Variants in RGS7 observed in about 807,000 individuals in gnomAD.
RGS7 encodes the protein regulator of G protein signaling 7.
Under a neutral mutation model 81.1 loss-of-function variants are expected in RGS7, and 27 were observed. The observed-to-expected ratio is 0.33, with a 90% confidence interval of 0.25 to 0.46. RGS7 has a LOEUF of 0.46. Ranked by LOEUF, RGS7 falls within the 20% of genes least tolerant of loss-of-function variation. The pLI, the probability that RGS7 is intolerant of heterozygous loss-of-function variation, is 1.00. For synonymous variants in RGS7, 208 were observed against 207.7 expected, an observed-to-expected ratio of 1.00 and a Z score of -0.01; for missense variants, 396 against 607.4, an observed-to-expected ratio of 0.65 and a Z score of 3.66.
chr1:241,242,285 T>C (rs1338930457), intron 2 of RGS7, among the ~76,000 whole-genome samples: 3 of 149,714 alleles, frequency 2.0e-5, no homozygotes, highest in Non-Finnish European at 4.5e-5. Context: ...ATGCCATTAT[T>C]CCGTTCCTTT....
chr1:241,282,666 T>C (rs1168400270), intron 2 of RGS7, among the ~76,000 whole-genome samples: 1 of 152,230 alleles, frequency 6.6e-6, no homozygotes, highest in Non-Finnish European at 1.5e-5. Context: ...AAGCATTCAG[T>C]CTTTCACCAT....
Position 241,271,884 on chromosome 1 carries a change from CGTGTGTGTGTGTGTGTGTGTGTGT to C in RGS7, c.78+83791_78+83814del, listed in dbSNP as rs373357799. Among the ~76,000 whole-genome samples, 4 of 140,378 alleles carry C rather than the reference CGTGTGTGTGTGTGTGTGTGTGTGT, an allele frequency of 2.8e-5. No individual in the cohort carries two copies. The highest frequency in any genetic ancestry group is 1.4e-4 in the Admixed American group (2 of 14,056). The allele number at this position is 140,378 out of a possible 152,430, so 92.1% of individuals were successfully genotyped here. ...AATCACACAAGCCAAATCTTTATAA[CGTGTGTGTGTGTGTGTGTGTGTGT>C]GTGTGTGTGTGTGTGTGTGTGTGTA... On this transcript the variant is annotated intron_variant, in intron 2 of 18. Transcript: ENST00000440928. The surrounding 1 kb of genome is among the most constrained non-coding windows in gnomAD (Gnocchi z 4.6).
intron 2 of RGS7, among the ~76,000 whole-genome samples, chr1:241,204,432 C>T (rs2073741332): frequency 6.6e-6 from 1 of 152,116 alleles, no homozygotes; most frequent in Admixed American, 6.6e-5. Flanking sequence ...GCATATCATA[C>T]ATTTTAGGTG....
chr1:241,047,680 C>A (rs2061006034), intron 3 of RGS7, among the ~76,000 whole-genome samples: 2 of 151,066 alleles, frequency 1.3e-5, no homozygotes, highest in South Asian at 4.2e-4. Context: ...ATATTCATGC[C>A]ATTGCAACCA....
At position 241,126,481 on chromosome 1, in the gene RGS7, G is replaced by A. The variant is rs980453808; in HGVS notation, c.79-27719C>T. 2.6e-5 allele frequency among the ~76,000 whole-genome samples: 4 copies of A among 152,176 alleles called. No individual in the cohort carries two copies. In the East Asian group the frequency reaches 7.7e-4, roughly 29 times the overall value. ...TATTTTTTGCTCTGTAATGGGGCAT[G>A]GGAGTTCATGCAACGGGCTCTAGAT... On this transcript the variant is annotated intron_variant, in intron 2 of 18. Transcript: ENST00000440928.
At chr1:241,066,168 T>G (rs1208027108) in intron 3 of RGS7, among the ~76,000 whole-genome samples, 1 of 152,216 alleles carries the variant, frequency 6.6e-6, no homozygotes, top group Admixed American at 6.5e-5. Context: ...TGATTTGATA[T>G]CACTCCTAAC....
intron 3 of RGS7, among the ~76,000 whole-genome samples, chr1:241,003,460 C>CAAAAA (rs554768415): frequency 3.6e-5 from 3 of 83,320 alleles, no homozygotes; most frequent in African/African-American, 1.0e-4. Flanking sequence ...GACTCCGTCT[C>CAAAAA]AAAAAAAAAA....
chr1:240,986,321 C>G (rs1324280110), intron 3 of RGS7, among the ~76,000 whole-genome samples: 1 of 152,154 alleles, frequency 6.6e-6, no homozygotes, highest in Non-Finnish European at 1.5e-5. Flanking sequence ...ACTGTTTCTT[C>G]CTTCCATGAT....
At chr1:241,119,198 T>C (rs960958126) in intron 2 of RGS7, among the ~76,000 whole-genome samples, 4 of 152,220 alleles carry the variant, frequency 2.6e-5, no homozygotes, top group Non-Finnish European at 2.9e-5. Context: ...ACTAACTATA[T>C]TTCTCAAAAC....
chr1:241,225,630 A>G (rs2075272555), intron 2 of RGS7, among the ~76,000 whole-genome samples: 1 of 152,178 alleles, frequency 6.6e-6, no homozygotes, highest in Non-Finnish European at 1.5e-5. Flanking sequence ...GAGAGATATT[A>G]CAGGCCTTTG....
At chr1:241,148,981 C>A (rs1572893346) in intron 2 of RGS7, among the ~76,000 whole-genome samples, 1 of 152,330 alleles carries the variant, frequency 6.6e-6, no homozygotes, top group East Asian at 1.9e-4. Flanking sequence ...TCTAAAACAC[C>A]TTCACACTCC....
intron 2 of RGS7, among the ~76,000 whole-genome samples, chr1:241,263,960 T>C (rs1573413544): frequency 6.6e-6 from 1 of 152,130 alleles, no homozygotes; most frequent in Non-Finnish European, 1.5e-5. Flanking sequence ...TCTGTGGTTT[T>C]AAATAGAAGG....
At chr1:240,889,560 T>G (rs576160438) in intron 6 of RGS7, among the ~76,000 whole-genome samples, 116 of 152,322 alleles carry the variant, frequency 7.6e-4, no homozygotes, top group African/African-American at 2.6e-3. Flanking sequence ...GATTTACACG[T>G]AATTATTTCT....
chr1:241,150,816 G>A (rs1048635624), intron 2 of RGS7, among the ~76,000 whole-genome samples: 5 of 152,192 alleles, frequency 3.3e-5, no homozygotes, highest in African/African-American at 1.2e-4. Context: ...GAGAAGCCAG[G>A]AGAGTGGCTC....
chr1:240,779,136 T>A (rs528278634), intron 18 of RGS7, among the ~76,000 whole-genome samples: 31 of 141,588 alleles, frequency 2.2e-4, no homozygotes, highest in Admixed American at 5.0e-4. Flanking sequence ...TGTGTGTGTG[T>A]GACAGTCTCA....
Position 241,102,505 on chromosome 1 carries a change from C to G in RGS7, c.79-3743G>C, listed in dbSNP as rs192948552. The stretch of plus-strand genomic sequence containing the variant: ...CCACATTGATAATGTTGATTAATGA[C>G]TTATCTTCCCAGGACAGAACAAAGC... On this transcript the variant is annotated intron_variant, in intron 2 of 18. Transcript: ENST00000440928. 2.0e-5 allele frequency among the ~76,000 whole-genome samples: 3 copies of G among 152,332 alleles called. No homozygotes were observed. In the East Asian group the frequency reaches 5.8e-4, roughly 29 times the overall value.
At chr1:240,891,569 T>G (rs1370273075) in intron 6 of RGS7, among the ~76,000 whole-genome samples, 1 of 152,202 alleles carries the variant, frequency 6.6e-6, no homozygotes. Context: ...TATATTAAAT[T>G]TTAAAGCTAA....
At chr1:241,109,151 T>C (rs908329934) in intron 2 of RGS7, among the ~76,000 whole-genome samples, 4 of 152,186 alleles carry the variant, frequency 2.6e-5, no homozygotes, top group Non-Finnish European at 5.9e-5. Context: ...ATCCACGATA[T>C]GACGCCCAAC....
intron 2 of RGS7, among the ~76,000 whole-genome samples, chr1:241,259,474 G>A (rs967917987): frequency 6.6e-6 from 1 of 151,188 alleles, no homozygotes; most frequent in Non-Finnish European, 1.5e-5. Flanking sequence ...GACCAACATG[G>A]AGAAACCCTC....
Sources: gnomAD v4.1 joint callset for allele counts (sites outside exome capture counted in the v4.1 genomes callset) on GRCh38, gnomAD v4.1.1 for gene constraint, Gnocchi (gnomAD v3.1) non-coding constraint, MANE v1.5 for transcripts, NCBI Gene and HGNC (gene_info 2026-07-23, HGNC 2026-07-21) for gene names.